The following FNTB variants were observed in gnomAD, a reference collection of about 807,000 sequenced individuals.
FNTB encodes the protein protein farnesyltransferase subunit beta.
In FNTB, 27 loss-of-function variants were observed where a neutral mutation model predicts 59.4. The observed-to-expected ratio is 0.45, with a 90% CI of 0.34 to 0.63. The LOEUF is 0.63. Ranked by LOEUF, FNTB falls within the 20% of genes least tolerant of loss-of-function variation. FNTB has a pLI of 0.02. For synonymous variants in FNTB, 230 were observed against 220.7 expected, an observed-to-expected ratio of 1.04 and a Z score of -0.37; for missense variants, 449 against 559.6, an observed-to-expected ratio of 0.80 and a Z score of 1.99.
At chr14:65,055,051 C>T (rs528773517) in intron 11 of FNTB, among the ~76,000 whole-genome samples, 2 of 152,370 alleles carry the variant, frequency 1.3e-5, no homozygotes, top group South Asian at 2.1e-4. Context: ...CCATGCGGCA[C>T]TGGCTGTACA....
rs371737877 is a variant in FNTB at position 65,018,408 on chromosome 14, A to G, written c.374+2692A>G. Among the ~76,000 whole-genome samples, 15 of 152,230 alleles carry G rather than the reference A, an allele frequency of 9.9e-5. No homozygotes were observed. In the East Asian group the frequency reaches 2.1e-3, roughly 21 times the overall value. On this transcript the variant is annotated intron_variant, in intron 4 of 11. Coordinates refer to ENST00000246166, the MANE Select transcript of FNTB (RefSeq NM_002028.4). ...AGAGATGTGAAATGAAAATAGTTTA[A>G]AAGATTTAATTTACATACATTAAAA...
chr14:65,054,218 T>G lies in FNTB; in HGVS notation c.1068-357T>G, dbSNP rs556661292. Among the ~76,000 whole-genome samples the G allele has an allele frequency of 1.3e-5, 2 of 152,220 alleles. No homozygotes were observed. Among genetic ancestry groups the G allele is most frequent in the African/African-American group, 4.8e-5 (2 of 41,544 alleles). On this transcript the variant is annotated intron_variant, in intron 10 of 11. Coordinates refer to ENST00000246166, the MANE Select transcript of FNTB (RefSeq NM_002028.4). This position sits in a 1 kb window ranked among gnomAD's most constrained non-coding sequence, Gnocchi z 4.4. The stretch of plus-strand genomic sequence containing the variant: ...GCCTTCACCTCTTGGGCTCGAGTGA[T>G]CCTCCTGCTTCAGCCTCCCAAGTAA...
intron 7 of FNTB, among the ~76,000 whole-genome samples, chr14:65,039,386 T>G (rs1566564591): frequency 6.6e-6 from 1 of 152,358 alleles, no homozygotes; most frequent in East Asian, 1.9e-4. Flanking sequence ...TGTTGGATAT[T>G]CTGGAACTCA....
chr14:65,032,495 G>A lies in FNTB; in HGVS notation c.606-115G>A. 1 of 1,085,506 alleles carries A rather than the reference G, an allele frequency of 9.2e-7. No homozygotes were observed. Among genetic ancestry groups the A allele is most frequent in the Non-Finnish European group, 1.3e-6 (1 of 769,944 alleles). 67.2% of individuals were successfully genotyped at this position (1,085,506 alleles called of 1,614,324 possible). On this transcript the variant is annotated intron_variant, in intron 6 of 11. Coordinates refer to ENST00000246166, the MANE Select transcript of FNTB (RefSeq NM_002028.4). The surrounding 1 kb of genome is among the most constrained non-coding windows in gnomAD (Gnocchi z 5.0). ...AGGACTGACCGTGTGCCAAGAGTGAGGACAGGAGGTGATTACAGCTTACTA... is the reference window on the plus strand; with the variant it reads ...AGGACTGACCGTGTGCCAAGAGTGAAGACAGGAGGTGATTACAGCTTACTA...
At chr14:65,056,995 A>G (rs185826310) in intron 11 of FNTB, among the ~76,000 whole-genome samples, 52 of 152,338 alleles carry the variant, frequency 3.4e-4, no homozygotes, top group African/African-American at 1.2e-3. Flanking sequence ...GCCTGAGAGC[A>G]TCCTGGCTTT....
At chr14:65,022,780 A>G (rs1422524917) in intron 4 of FNTB, among the ~76,000 whole-genome samples, 1 of 152,004 alleles carries the variant, frequency 6.6e-6, no homozygotes, top group Admixed American at 6.5e-5. Context: ...TGCATTTATG[A>G]TGCTTTTAAC....
intron 7 of FNTB, among the ~76,000 whole-genome samples, chr14:65,037,751 TATTTATTTATTTA>T (rs1566562927): frequency 1.7e-3 from 179 of 106,858 alleles, no homozygotes; most frequent in South Asian, 2.8e-3. Flanking sequence ...ATTATTTATT[TATTTATTTATTTA>T]TTTATTTATT....
intron 4 of FNTB, among the ~76,000 whole-genome samples, chr14:65,018,704 G>C (rs961628539): frequency 2.0e-5 from 3 of 151,472 alleles, no homozygotes; most frequent in African/African-American, 7.3e-5. Context: ...CAGCTACTCG[G>C]GAGACTAAGG....
rs144250681 is a variant in FNTB at position 65,054,580 on chromosome 14, G to A, written c.1073G>A (p.Arg358His). 2.0e-5 allele frequency: 32 copies of A among 1,612,728 alleles called. No individual in the cohort carries two copies. In the African/African-American group the frequency reaches 2.9e-4, roughly 15 times the overall value. The stretch of plus-strand genomic sequence containing the variant: ...AGAGCTGCCTGTCCTTACAGGTCGC[G>A]TGATTTCTACCACACCTGCTACTGC... ...GGLLDKPGKS[R>H]DFYHTCYCLS... Residue 358 changes from arginine (R) to histidine (H), a missense_variant, in exon 11 of 12, where the codon CGT (arginine) becomes CAT (histidine). By Grantham distance (29) the Arg-to-His change is conservative. Transcript: ENST00000246166. This position sits in a 1 kb window ranked among gnomAD's most constrained non-coding sequence, Gnocchi z 4.4.
At chr14:64,987,273 T>A (rs963967051) in intron 1 of FNTB, 176 bp downstream of exon 1, 13 of 708,190 alleles carry the variant, frequency 1.8e-5, no homozygotes, top group Admixed American at 5.7e-5. Context: ...TCGTGGAGCG[T>A]TTGCGCGGCC....
rs114175393 is a variant in FNTB at position 65,053,113 on chromosome 14, A to G, written c.956-125A>G. The G allele has an allele frequency of 9.9e-4, 654 of 658,112 alleles. 4 individuals are homozygous for G. In the African/African-American group the frequency reaches 1.0e-2, roughly 10 times the overall value. The allele number at this position is 658,112 out of a possible 1,614,324, so 40.8% of individuals were successfully genotyped here. ...CATGGGGAAGATAGCAGTTGTACCA[A>G]GAATGAATGGAAGAGGAAGGGGAGC... On this transcript the variant is annotated intron_variant, in intron 9 of 11. Coordinates refer to ENST00000246166, the MANE Select transcript of FNTB (RefSeq NM_002028.4).
At chr14:65,035,877 G>T (rs2062178225) in intron 7 of FNTB, among the ~76,000 whole-genome samples, 1 of 151,526 alleles carries the variant, frequency 6.6e-6, no homozygotes, top group Non-Finnish European at 1.5e-5. Flanking sequence ...TGTTGCCCTG[G>T]CTGGATTGCA....
At chr14:64,999,627 A>G (rs1376101772) in intron 1 of FNTB, among the ~76,000 whole-genome samples, 2 of 152,186 alleles carry the variant, frequency 1.3e-5, no homozygotes, top group African/African-American at 4.8e-5. Flanking sequence ...TGAATGGTAT[A>G]TGAATTATAT....
In FNTB at chr14:65,028,488, C is replaced by T. The variant is rs907304206; in HGVS notation, c.605+707C>T. 1.3e-5 allele frequency among the ~76,000 whole-genome samples: 2 copies of T among 152,144 alleles called. No individual in the cohort carries two copies. Among genetic ancestry groups the T allele is most frequent in the Admixed American group, 1.3e-4 (2 of 15,268 alleles). On this transcript the variant is annotated intron_variant, in intron 6 of 11. Transcript: ENST00000246166. This position sits in a 1 kb window ranked among gnomAD's most constrained non-coding sequence, Gnocchi z 4.4. ...TTGAGAAATACATTTTGTGAGGTTT[C>T]TATAGCAAAGCTGTCTTACTGCCTA... is the stretch of plus-strand genomic sequence containing the variant.
intron 2 of FNTB, among the ~76,000 whole-genome samples, chr14:65,008,950 G>T (rs971928524): frequency 1.3e-5 from 2 of 152,062 alleles, no homozygotes; most frequent in Admixed American, 1.3e-4. Context: ...GTGAGACGGG[G>T]GCCCTCCTCA....
rs905626079 is a variant in FNTB, at chr14:65,061,679, C to T, written c.*367C>T. 19 of 196,928 alleles carry T rather than the reference C, an allele frequency of 9.6e-5. No individual in the cohort carries two copies. Among genetic ancestry groups the T allele is most frequent in the Middle Eastern group, 2.4e-3 (1 of 414 alleles). 12.2% of individuals were successfully genotyped at this position (196,928 alleles called of 1,614,324 possible). Reference sequence around the variant, plus strand: ...GAGCCACTGCTGACTCCCACTTGCACGCCACCATTCAGTCACCAGACTGGG... The same window carrying T: ...GAGCCACTGCTGACTCCCACTTGCATGCCACCATTCAGTCACCAGACTGGG... On this transcript the variant is annotated 3_prime_UTR_variant, in exon 12 of 12. Transcript: ENST00000246166.
At chr14:65,037,143 A>T in intron 7 of FNTB, among the ~76,000 whole-genome samples, 2 of 142,290 alleles carry the variant, frequency 1.4e-5, no homozygotes. Context: ...TGCTGTTGTT[A>T]CCCGGGCTGG....
chr14:64,993,828 G>T (rs923899462), intron 1 of FNTB, among the ~76,000 whole-genome samples: 7 of 151,456 alleles, frequency 4.6e-5, no homozygotes, highest in Non-Finnish European at 7.4e-5. Flanking sequence ...TGCTTTTATT[G>T]ATTGGATTTC....
chr14:65,022,118 AG>A, intron 4 of FNTB: 1 of 454,888 alleles, frequency 2.2e-6, no homozygotes, highest in African/African-American at 2.0e-5. Flanking sequence ...TATTCTACCT[AG>A]GGAAGGAGAT....
Sources: gnomAD v4.1 joint callset for allele counts (sites outside exome capture counted in the v4.1 genomes callset) on GRCh38, gnomAD v4.1.1 for gene constraint, Gnocchi (gnomAD v3.1) non-coding constraint, MANE v1.5 for transcripts, NCBI Gene and HGNC (gene_info 2026-07-23, HGNC 2026-07-21) for gene names.